Variants in STAU2 observed in about 807,000 individuals in gnomAD.
STAU2 encodes the protein staufen double-stranded RNA binding protein 2.
STAU2 carries 20 observed loss-of-function variants against 65.9 expected under a neutral mutation model. The ratio of observed to expected loss-of-function variants is 0.30; its 90% CI spans 0.21 to 0.44. The LOEUF is 0.44. Ranked by LOEUF, STAU2 falls within the 20% of genes least tolerant of loss-of-function variation. The pLI is 1.00. For synonymous variants in STAU2, 232 were observed against 233.9 expected (o/e 0.99, Z 0.07); for missense variants, 558 against 683.9 (o/e 0.82, Z 2.05).
intron 6 of STAU2, among the ~76,000 whole-genome samples, chr8:73,646,727 CAAAATAA>C (rs1815400418): frequency 6.6e-6 from 1 of 151,762 alleles, no homozygotes; most frequent in Non-Finnish European, 1.5e-5. Flanking sequence ...TGGACTTCAT[CAAAATAA>C]AAAACTTCTG....
intron 13 of STAU2, among the ~76,000 whole-genome samples, chr8:73,446,562 T>C (rs1484911183): frequency 1.3e-5 from 2 of 152,224 alleles, no homozygotes; most frequent in African/African-American, 2.4e-5. Flanking sequence ...TGTTTAATTA[T>C]ATCTAAATGC....
In STAU2 at chr8:73,564,909, C is replaced by CGT. The variant is rs796136065; in HGVS notation, c.1223-12592_1223-12591dup. Reference sequence around the variant, plus strand: ...GTCTAAGTTGTCCCAGTATGGGTGTCGTGTGTGTGTGTGTGCGCACACGCG... The same window carrying CGT: ...GTCTAAGTTGTCCCAGTATGGGTGTCGTGTGTGTGTGTGTGTGCGCACACGCG... On this transcript the variant is annotated intron_variant, in intron 12 of 14. Transcript: ENST00000524300. 1.3e-4 allele frequency among the ~76,000 whole-genome samples: 20 copies of CGT among 151,384 alleles called. 1 individual carries two copies. The highest frequency in any genetic ancestry group is 8.4e-4 in the South Asian group (4 of 4,760).
At position 73,435,095 on chromosome 8, in the gene STAU2, G is replaced by GC. The variant is rs533231914; in HGVS notation, c.1531-12394dup. Among the ~76,000 whole-genome samples, 400 of 151,818 alleles carry GC rather than the reference G, an allele frequency of 2.6e-3. 12 individuals are homozygous for GC. Among genetic ancestry groups the GC allele is most frequent in the African/African-American group, 9.3e-3 (382 of 41,196 alleles). ...CTCCCTGGCCAGCTGGTATGGAGAT[G>GC]CCCCCCCTGGACCTTCTGCCCTGCT... On this transcript the variant is annotated intron_variant, in intron 13 of 14. Coordinates refer to ENST00000524300, the MANE Select transcript of STAU2 (RefSeq NM_001164380.2).
At chr8:73,546,192 C>T (rs1360968616) in intron 13 of STAU2, among the ~76,000 whole-genome samples, 9 of 136,982 alleles carry the variant, frequency 6.6e-5, no homozygotes, top group Non-Finnish European at 1.4e-4. Flanking sequence ...GTCTCAAACT[C>T]CTGACCTCAA....
At chr8:73,575,458 C>T (rs560838836) in intron 12 of STAU2, among the ~76,000 whole-genome samples, 5 of 152,134 alleles carry the variant, frequency 3.3e-5, no homozygotes. Flanking sequence ...AGGATACATA[C>T]TCTGTAATGG....
At position 73,729,840 on chromosome 8, in the gene STAU2, A is replaced by G. The variant is rs562757698; in HGVS notation, c.-18+8444T>C. 2.7e-4 allele frequency among the ~76,000 whole-genome samples: 41 copies of G among 152,276 alleles called. 2 individuals are homozygous for G. The highest frequency in any genetic ancestry group is 9.6e-4 in the African/African-American group (40 of 41,562). On this transcript the variant is annotated intron_variant, in intron 3 of 14. Transcript: ENST00000524300. ...ATCTGTGCATAAAATTGCTCACAGT[A>G]TTCTCTTTAATCCTTTTTGTTTAAG...
At chr8:73,431,247 A>T (rs1210581512) in intron 13 of STAU2, among the ~76,000 whole-genome samples, 3 of 152,222 alleles carry the variant, frequency 2.0e-5, no homozygotes, top group Non-Finnish European at 4.4e-5. Context: ...AGCTCAGAAG[A>T]TGTTTTCCTA....
intron 3 of STAU2, among the ~76,000 whole-genome samples, chr8:73,712,026 A>G (rs1820937578): frequency 6.6e-6 from 1 of 152,186 alleles, no homozygotes; most frequent in Non-Finnish European, 1.5e-5. Flanking sequence ...AAATTACACC[A>G]AAATTTAGAT....
At chr8:73,691,645 T>A (rs182461559) in intron 4 of STAU2, among the ~76,000 whole-genome samples, 130 of 152,228 alleles carry the variant, frequency 8.5e-4, no homozygotes, top group African/African-American at 3.0e-3. Context: ...GCACCAATGA[T>A]ATGTGGACAA....
At chr8:73,640,928 T>C (rs1281141510) in intron 6 of STAU2, among the ~76,000 whole-genome samples, 2 of 152,068 alleles carry the variant, frequency 1.3e-5, no homozygotes, top group Non-Finnish European at 2.9e-5. Flanking sequence ...TAAAATGAAG[T>C]ATTCTTAATA....
intron 13 of STAU2, among the ~76,000 whole-genome samples, chr8:73,486,657 ATTTTT>A (rs10616687): frequency 2.9e-5 from 4 of 136,532 alleles, no homozygotes; most frequent in African/African-American, 8.1e-5. Context: ...ATATATATAT[ATTTTT>A]TTTTTTTTTG....
At chr8:73,601,116 G>A (rs1811600634) in intron 10 of STAU2, among the ~76,000 whole-genome samples, 1 of 152,128 alleles carries the variant, frequency 6.6e-6, no homozygotes, top group African/African-American at 2.4e-5. Context: ...ATTTTACCAT[G>A]CAGTAAATTT....
intron 4 of STAU2, chr8:73,697,300 A>C (rs1227443455): frequency 6.6e-6 from 1 of 152,238 alleles, no homozygotes; most frequent in Non-Finnish European, 1.5e-5. Flanking sequence ...AAGGAAAAAA[A>C]CTTTCACCTA....
chr8:73,424,311 C>T (rs919470204), intron 13 of STAU2, among the ~76,000 whole-genome samples: 6 of 148,636 alleles, frequency 4.0e-5, no homozygotes, highest in Non-Finnish European at 8.9e-5. Flanking sequence ...AGTGATTCTA[C>T]TGCCTCAGCC....
At chr8:73,574,679 T>C (rs1396839825) in intron 12 of STAU2, among the ~76,000 whole-genome samples, 2 of 152,160 alleles carry the variant, frequency 1.3e-5, no homozygotes, top group Non-Finnish European at 2.9e-5. Context: ...ACACTGCATG[T>C]TCTCACTCAT....
chr8:73,528,408 C>T (rs916557867), intron 13 of STAU2, among the ~76,000 whole-genome samples: 3 of 152,152 alleles, frequency 2.0e-5, no homozygotes, highest in South Asian at 4.1e-4. Context: ...TACAACTAAC[C>T]ATTATTAAAG....
At chr8:73,461,667 G>A (rs917713137) in intron 13 of STAU2, among the ~76,000 whole-genome samples, 2 of 152,052 alleles carry the variant, frequency 1.3e-5, no homozygotes, top group Non-Finnish European at 2.9e-5. Context: ...AAGCACGGCA[G>A]CAAGTAGGAG....
At chr8:73,423,763 G>A (rs1816576685) in intron 13 of STAU2, among the ~76,000 whole-genome samples, 1 of 152,186 alleles carries the variant, frequency 6.6e-6, no homozygotes, top group Non-Finnish European at 1.5e-5. Context: ...GTCTTGTGAG[G>A]TTTACAGAAA....
chr8:73,729,210 T>A (rs1017401985), intron 3 of STAU2, among the ~76,000 whole-genome samples: 14 of 152,370 alleles, frequency 9.2e-5, no homozygotes, highest in African/African-American at 3.1e-4. Context: ...CGCTTCATTC[T>A]ATTAATGTGT....
Sources: gnomAD v4.1 joint callset for allele counts (sites outside exome capture counted in the v4.1 genomes callset) on GRCh38, gnomAD v4.1.1 for gene constraint, MANE v1.5 for transcripts, NCBI Gene and HGNC (gene_info 2026-07-23, HGNC 2026-07-21) for gene names.